Variants in PNPLA3 observed in about 807,000 individuals in gnomAD.
The protein encoded by PNPLA3 is patatin like domain 3, 1-acylglycerol-3-phosphate O-acyltransferase.
In PNPLA3, 42 loss-of-function variants were observed where a neutral mutation model predicts 43.1. That is an observed-to-expected ratio of 0.97 (90% CI 0.76 to 1.26). The LOEUF (loss-of-function observed/expected upper bound fraction) is 1.26. Ranked by LOEUF, PNPLA3 falls within the 50% of genes most tolerant of loss-of-function variation. The probability of loss-of-function intolerance (pLI) is 0.00; values close to 1 mark genes in which losing one functional copy is unlikely to be tolerated. For missense variants in PNPLA3, 647 were observed against 621.4 expected (o/e 1.04, Z -0.44); for synonymous variants, 272 against 253.6 (o/e 1.07, Z -0.69).
intron 7 of PNPLA3, among the ~76,000 whole-genome samples, chr22:43,943,800 G>C (rs1366744600): frequency 1.3e-5 from 2 of 150,220 alleles, no homozygotes; most frequent in Non-Finnish European, 1.5e-5. Flanking sequence ...CTTTTTTTTT[G>C]TTTTTTGAGA....
At chr22:43,943,936 G>T (rs1006538864) in intron 7 of PNPLA3, among the ~76,000 whole-genome samples, 1 of 152,050 alleles carries the variant, frequency 6.6e-6, no homozygotes, top group Non-Finnish European at 1.5e-5. Flanking sequence ...TTACAGGCAT[G>T]TGCCACCACA....
intron 8 of PNPLA3, 56 bp from the exon 9 acceptor site, chr22:43,946,098 C>T: frequency 2.0e-6 from 3 of 1,536,980 alleles, no homozygotes; most frequent in Admixed American, 3.4e-5. Flanking sequence ...GTAGCTCAGA[C>T]TGCACACTGC....
intron 5 of PNPLA3, 42 bp downstream of exon 5, chr22:43,934,708 G>A (rs1603416550): frequency 5.2e-6 from 8 of 1,549,252 alleles, no homozygotes; most frequent in Non-Finnish European, 6.2e-6. Context: ...CTTTTGACAA[G>A]CATTTACTAG....
Position 43,926,971 on chromosome 22 carries a change from A to AG in PNPLA3, c.226dup (p.Ala76GlyfsTer48). 6.2e-7 allele frequency: 1 copy of AG among 1,614,226 alleles called. No individual in the cohort carries two copies. Among genetic ancestry groups the AG allele is most frequent in the Non-Finnish European group, 8.5e-7 (1 of 1,180,044 alleles). Reference sequence around the variant, plus strand: ...CAGGTCCTCTCAGATCTTGTGCGGAAGGCCAGGAGTCGGAACATTGGCATC... The same window carrying AG: ...CAGGTCCTCTCAGATCTTGTGCGGAAGGGCCAGGAGTCGGAACATTGGCATC... On this transcript the variant is annotated frameshift_variant, in exon 2 of 9. Transcript: ENST00000216180. LOFTEE classifies it high-confidence loss of function.
At chr22:43,929,843 C>T (rs575341208) in intron 3 of PNPLA3, among the ~76,000 whole-genome samples, 82 of 152,172 alleles carry the variant, frequency 5.4e-4, no homozygotes, top group Admixed American at 1.8e-3. Context: ...GTGATCCGCC[C>T]GCCTTGGCCT....
At chr22:43,934,338 AAAAGT>A (rs2049981157) in intron 4 of PNPLA3, among the ~76,000 whole-genome samples, 1 of 148,712 alleles carries the variant, frequency 6.7e-6, no homozygotes, top group Non-Finnish European at 1.5e-5. Context: ...AAAAAAAAAG[AAAAGT>A]AAAAGGAAAA....
At chr22:43,930,670 G>C (rs1475850200) in intron 3 of PNPLA3, among the ~76,000 whole-genome samples, 2 of 152,220 alleles carry the variant, frequency 1.3e-5, no homozygotes, top group Non-Finnish European at 2.9e-5. Flanking sequence ...GCAGTGTTCA[G>C]ATTTGGCTGA....
Position 43,934,186 on chromosome 22 carries a change from G to A in PNPLA3, c.697-420G>A, listed in dbSNP as rs559071257. The stretch of plus-strand genomic sequence containing the variant: ...ACAAAAATTACCCGGGCATGGTGGC[G>A]GGCACCTGTAATCCCAGCTACTAGG... On this transcript the variant is annotated intron_variant, in intron 4 of 8. Coordinates refer to ENST00000216180, the MANE Select transcript of PNPLA3 (RefSeq NM_025225.3). Among the ~76,000 whole-genome samples the A allele has an allele frequency of 4.0e-5, 6 of 151,786 alleles. No individual in the cohort carries two copies. In the East Asian group the frequency reaches 5.8e-4, roughly 15 times the overall value.
intron 8 of PNPLA3, 62 bp downstream of exon 8, chr22:43,944,857 C>T: frequency 7.3e-7 from 1 of 1,362,300 alleles, no homozygotes; most frequent in Non-Finnish European, 1.1e-6. Context: ...GATGAGGCCT[C>T]ACACGACATT....
At chr22:43,940,621 C>T (rs951741491) in intron 7 of PNPLA3, among the ~76,000 whole-genome samples, 1 of 151,842 alleles carries the variant, frequency 6.6e-6, no homozygotes, top group Non-Finnish European at 1.5e-5. Flanking sequence ...CCAGCTTGGC[C>T]AACATGGTGA....
At chr22:43,931,986 A>G (rs1200919217) in intron 3 of PNPLA3, among the ~76,000 whole-genome samples, 3 of 152,156 alleles carry the variant, frequency 2.0e-5, no homozygotes, top group Non-Finnish European at 4.4e-5. Context: ...TTTTAGGCCA[A>G]ACTCTGCTCT....
At chr22:43,931,771 C>T (rs2049963307) in intron 3 of PNPLA3, among the ~76,000 whole-genome samples, 1 of 152,220 alleles carries the variant, frequency 6.6e-6, no homozygotes. Flanking sequence ...GTGCCTCAGC[C>T]TTCCAAAGTG....
At chr22:43,925,023 C>A (rs1227413499) in intron 1 of PNPLA3, among the ~76,000 whole-genome samples, 1 of 152,026 alleles carries the variant, frequency 6.6e-6, no homozygotes, top group Non-Finnish European at 1.5e-5. Flanking sequence ...TGGGCATCCT[C>A]CAGGGCAGGC....
chr22:43,936,924 C>T, intron 5 of PNPLA3, 127 bp from the exon 6 acceptor site: 2 of 717,454 alleles, frequency 2.8e-6, no homozygotes, highest in Non-Finnish European at 4.8e-6. Context: ...TCTTCCCTTC[C>T]CCTCTTCCCC....
At position 43,927,154 on chromosome 22, in the gene PNPLA3, A is replaced by C; in HGVS notation, c.407A>C (p.Asp136Ala). Residue 136 changes from aspartate to alanine, a missense_variant, in exon 2 of 9, where the codon GAC becomes GCC. By Grantham distance (126) the Asp-to-Ala change is moderately radical (BLOSUM62 -2). Transcript: ENST00000216180. ...CTGGTGTCTGACTTTCGGTCCAAAG[A>C]CGAAGTCGTGGATGTAAGCAGTTTG... ...NVLVSDFRSK[D>A]EVVDALVCSC... The C allele has an allele frequency of 2.5e-6, 4 of 1,614,040 alleles. No individual in the cohort carries two copies. The highest frequency in any genetic ancestry group is 3.4e-6 in the Non-Finnish European group (4 of 1,179,920).
chr22:43,945,159 A>T (rs914764960), intron 8 of PNPLA3, among the ~76,000 whole-genome samples: 4 of 152,182 alleles, frequency 2.6e-5, no homozygotes, highest in Non-Finnish European at 5.9e-5. Flanking sequence ...GTCTGAGCGA[A>T]GGAGCTCTGG....
chr22:43,940,175 A>T, intron 7 of PNPLA3, 50 bp downstream of exon 7: 3 of 1,561,704 alleles, frequency 1.9e-6, no homozygotes, highest in Non-Finnish European at 2.6e-6. Flanking sequence ...TGATATGAGG[A>T]TGAAACAAGA....
At chr22:43,933,649 C>T (rs1040202394) in intron 4 of PNPLA3, among the ~76,000 whole-genome samples, 2 of 152,178 alleles carry the variant, frequency 1.3e-5, no homozygotes, top group Non-Finnish European at 2.9e-5. Flanking sequence ...GTTGGGATTA[C>T]AGGCATGAGC....
chr22:43,928,973 T>C, intron 3 of PNPLA3, 84 bp downstream of exon 3: 1 of 1,382,744 alleles, frequency 7.2e-7, no homozygotes, highest in Non-Finnish European at 1.0e-6. Flanking sequence ...GGCACTGGTG[T>C]CGGGCACCTC....
Sources: gnomAD v4.1 joint callset for allele counts (sites outside exome capture counted in the v4.1 genomes callset) on GRCh38, gnomAD v4.1.1 for gene constraint, MANE v1.5 for transcripts, NCBI Gene and HGNC (gene_info 2026-07-23, HGNC 2026-07-21) for gene names.